GRIK4: variants seen among roughly 807,000 people sequenced by gnomAD.
GRIK4 encodes glutamate ionotropic receptor kainate type subunit 4.
A neutral mutation model predicts 104.9 loss-of-function variants in GRIK4; 40 were observed. The observed-to-expected ratio is 0.38, with a 90% CI of 0.30 to 0.50. GRIK4 has a LOEUF of 0.50. GRIK4 is among the 20% of genes least tolerant of loss of function. The probability of loss-of-function intolerance (pLI) is 0.93; values close to 1 mark genes in which losing one functional copy is unlikely to be tolerated. For synonymous variants in GRIK4, 485 were observed against 524.9 expected (o/e 0.92, Z 1.04); for missense variants, 1,047 against 1,308.1 (o/e 0.80, Z 3.08).
At chr11:120,647,956 A>T (rs1949565115) in intron 1 of GRIK4, among the ~76,000 whole-genome samples, 1 of 151,980 alleles carries the variant, frequency 6.6e-6, no homozygotes, top group Admixed American at 6.6e-5. Flanking sequence ...AGTGCCATAG[A>T]GCTGTGAGAT....
rs557949967 is a variant in GRIK4 at position 120,568,933 on chromosome 11, A to G, written c.-159+57046A>G. Among the ~76,000 whole-genome samples, 27 of 152,392 alleles carry G rather than the reference A, an allele frequency of 1.8e-4. No individual in the cohort carries two copies. In the South Asian group the frequency reaches 4.6e-3, roughly 26 times the overall value. ...GGGTTTGCAAAGTGGAAAACAAAAC[A>G]GAACCATTTTTCAGGTACTTTTATG... On this transcript the variant is annotated intron_variant, in intron 1 of 20. Coordinates refer to ENST00000527524, the MANE Select transcript of GRIK4 (RefSeq NM_014619.5).
intron 4 of GRIK4, among the ~76,000 whole-genome samples, chr11:120,805,884 G>C (rs774424961): frequency 3.7e-4 from 56 of 152,218 alleles, no homozygotes; most frequent in Non-Finnish European, 7.6e-4. Flanking sequence ...CCACAGCTCT[G>C]TGATCCCTAC....
At position 120,987,443 on chromosome 11, in the gene GRIK4, GTGTA is replaced by G. The variant is rs1257945103; in HGVS notation, c.*1187_*1190del. 1 of 151,624 alleles carries G rather than the reference GTGTA, an allele frequency of 6.6e-6. No homozygotes were observed. The highest frequency in any genetic ancestry group is 2.4e-5 in the African/African-American group (1 of 40,898). The allele number at this position is 151,624 out of a possible 1,614,324, so 9.4% of individuals were successfully genotyped here. A position where few individuals can be genotyped will look rare whatever the true frequency, so the allele number is the denominator to read the frequency against. The stretch of plus-strand genomic sequence containing the variant: ...ACTTAGACGTGAGACCTGGGTGCAA[GTGTA>G]TGTGTGTGTATGTGTGCGCGCGTGT... On this transcript the variant is annotated 3_prime_UTR_variant, in exon 21 of 21. Transcript: ENST00000527524.
intron 1 of GRIK4, among the ~76,000 whole-genome samples, chr11:120,514,665 C>G (rs1947703181): frequency 6.6e-6 from 1 of 152,156 alleles, no homozygotes; most frequent in African/African-American, 2.4e-5. Flanking sequence ...CCCGCCACTC[C>G]CTAGACCCAA....
intron 3 of GRIK4, among the ~76,000 whole-genome samples, chr11:120,773,635 G>A (rs1047809221): frequency 2.0e-5 from 3 of 152,256 alleles, no homozygotes; most frequent in Middle Eastern, 3.4e-3. Flanking sequence ...TGTGTTAGGC[G>A]AGAGTTAGAA....
chr11:120,984,012 TGGG>T (rs369127256), intron 20 of GRIK4, among the ~76,000 whole-genome samples: 11 of 152,248 alleles, frequency 7.2e-5, no homozygotes, highest in African/African-American at 2.6e-4. Context: ...GGGGGTGTGA[TGGG>T]GGCCTATAAT....
intron 8 of GRIK4, among the ~76,000 whole-genome samples, chr11:120,844,704 A>G (rs1953808773): frequency 6.6e-6 from 1 of 152,178 alleles, no homozygotes; most frequent in Non-Finnish European, 1.5e-5. Flanking sequence ...CTTAGCCTAC[A>G]TGACAACTAC....
At chr11:120,815,266 G>A (rs183305608) in intron 4 of GRIK4, 112 bp from the exon 5 acceptor site, 24 of 661,834 alleles carry the variant, frequency 3.6e-5, no homozygotes, top group African/African-American at 7.4e-5. Context: ...CCTGGGCAGC[G>A]GGTGTGCAGA....
intron 12 of GRIK4, among the ~76,000 whole-genome samples, chr11:120,901,830 C>G (rs1942745283): frequency 6.6e-6 from 1 of 152,168 alleles, no homozygotes; most frequent in South Asian, 2.1e-4. Flanking sequence ...GAAAGTCACC[C>G]TGATTTGTGC....
intron 3 of GRIK4, among the ~76,000 whole-genome samples, chr11:120,773,055 G>A (rs60532747): frequency 1.4e-4 from 21 of 152,280 alleles, no homozygotes; most frequent in African/African-American, 4.6e-4. Context: ...TCATATGCCT[G>A]TTTTTGTTTG....
intron 1 of GRIK4, among the ~76,000 whole-genome samples, chr11:120,520,586 T>C (rs1166011756): frequency 1.3e-5 from 2 of 152,136 alleles, no homozygotes; most frequent in African/African-American, 2.4e-5. Context: ...GACAGGACTT[T>C]AGGAGGTTAA....
chr11:120,515,455 T>C (rs771717097), intron 1 of GRIK4, among the ~76,000 whole-genome samples: 23 of 152,302 alleles, frequency 1.5e-4, no homozygotes, highest in Admixed American at 1.2e-3. Context: ...GGAGTGTGAC[T>C]CGTCCAGTGT....
chr11:120,737,836 A>G (rs1223845975), intron 3 of GRIK4, among the ~76,000 whole-genome samples: 1 of 152,232 alleles, frequency 6.6e-6, no homozygotes, highest in Non-Finnish European at 1.5e-5. Flanking sequence ...CTTAACCTGC[A>G]TAGTTATTAT....
At chr11:120,660,232 C>G in intron 2 of GRIK4, 37 bp from the exon 3 acceptor site, 2 of 905,244 alleles carry the variant, frequency 2.2e-6, no homozygotes, top group Non-Finnish European at 3.6e-6. Context: ...CTAGCTGGAG[C>G]CTGGGACTCA....
intron 3 of GRIK4, among the ~76,000 whole-genome samples, chr11:120,667,113 C>T (rs1949927887): frequency 1.3e-5 from 2 of 152,194 alleles, no homozygotes; most frequent in African/African-American, 2.4e-5. Context: ...TCTAAGACCC[C>T]CTTCAGTCTG....
chr11:120,714,629 C>T (rs1394666116), intron 3 of GRIK4, among the ~76,000 whole-genome samples: 1 of 152,180 alleles, frequency 6.6e-6, no homozygotes, highest in African/African-American at 2.4e-5. Context: ...GCCCTGTGAC[C>T]TGGTCTGGGA....
chr11:120,958,954 G>A (rs995809639), intron 16 of GRIK4, among the ~76,000 whole-genome samples: 1 of 152,188 alleles, frequency 6.6e-6, no homozygotes, highest in Non-Finnish European at 1.5e-5. Flanking sequence ...AGCAGGGAGA[G>A]CAGACCTTGG....
chr11:120,666,625 C>CTT (rs1218578629), intron 3 of GRIK4, among the ~76,000 whole-genome samples: 1 of 152,190 alleles, frequency 6.6e-6, no homozygotes, highest in Non-Finnish European at 1.5e-5. Context: ...TATCTGAAGT[C>CTT]TTAGGTAACA....
At chr11:120,980,055 C>T (rs1168990081) in intron 19 of GRIK4, among the ~76,000 whole-genome samples, 2 of 152,154 alleles carry the variant, frequency 1.3e-5, no homozygotes, top group African/African-American at 4.8e-5. Context: ...AGGCTGGTCT[C>T]GAACTCCTGA....
Sources: gnomAD v4.1 joint callset for allele counts (sites outside exome capture counted in the v4.1 genomes callset) on GRCh38, gnomAD v4.1.1 for gene constraint, MANE v1.5 for transcripts, NCBI Gene and HGNC (gene_info 2026-07-23, HGNC 2026-07-21) for gene names.